Variants in ATP9B observed in about 807,000 individuals in gnomAD.
The protein encoded by ATP9B is probable phospholipid-transporting ATPase IIB.
Under a neutral mutation model 146.1 loss-of-function variants are expected in ATP9B, and 110 were observed. That is an observed-to-expected ratio of 0.75 (90% CI 0.65 to 0.88). The LOEUF is 0.88. ATP9B is among the 40% of genes least tolerant of loss of function. The probability of loss-of-function intolerance (pLI) is 0.00; values close to 1 mark genes in which losing one functional copy is unlikely to be tolerated. For synonymous variants in ATP9B, 604 were observed against 569.7 expected, an observed-to-expected ratio of 1.06 and a Z score of -0.86; for missense variants, 1,499 against 1,496.4, an observed-to-expected ratio of 1.00 and a Z score of -0.03.
intron 26 of ATP9B, chr18:79,362,934 C>G (rs1382215383): frequency 1.3e-5 from 2 of 152,182 alleles, no homozygotes; most frequent in African/African-American, 4.8e-5. Context: ...AGAATACTCT[C>G]AAATGGTTTT....
chr18:79,117,394 A>G (rs1419782846), intron 4 of ATP9B: 2 of 152,220 alleles, frequency 1.3e-5, no homozygotes, highest in African/African-American at 4.8e-5. Flanking sequence ...AGAGGATGAA[A>G]GGGTTATTCT....
chr18:79,151,294 G>A (rs1165850255), intron 6 of ATP9B, among the ~76,000 whole-genome samples: 4 of 152,144 alleles, frequency 2.6e-5, no homozygotes, highest in African/African-American at 7.2e-5. Flanking sequence ...TTTGGCAAGA[G>A]TGCCTAGAAA....
At position 79,337,351 on chromosome 18, in the gene ATP9B, G is replaced by T; in HGVS notation, c.2185G>T (p.Glu729Ter). ...GGTGGCCGCGGTAGTCGAGAGCCTG[G>T]AGAGGGAGATGGAACTGCTGTGCCT... ...LKVAAVVESL[E>*]REMELLCLTG... Residue 729 changes from glutamate to a stop codon, truncating the protein, a stop_gained, in exon 19 of 30, where the codon GAG (glutamate) becomes TAG (stop). Coordinates refer to ENST00000426216, the MANE Select transcript of ATP9B (RefSeq NM_198531.5). LOFTEE classifies it high-confidence loss of function. 2 of 1,614,164 alleles carry T rather than the reference G, an allele frequency of 1.2e-6. No individual in the cohort carries two copies. Among genetic ancestry groups the T allele is most frequent in the Non-Finnish European group, 1.7e-6 (2 of 1,180,038 alleles).
At chr18:79,337,471 T>C in intron 19 of ATP9B, 22 bp downstream of exon 19, 1 of 1,596,474 alleles carries the variant, frequency 6.3e-7, no homozygotes, top group Non-Finnish European at 8.5e-7. Flanking sequence ...TCACCTCTGC[T>C]GGCGCGCGCT....
At chr18:79,244,082 C>A (rs1200259623) in intron 11 of ATP9B, among the ~76,000 whole-genome samples, 5 of 152,260 alleles carry the variant, frequency 3.3e-5, no homozygotes, top group Non-Finnish European at 5.9e-5. Context: ...ATTCTCTTTT[C>A]TAAAATTTTA....
At chr18:79,087,232 G>A (rs2073923215) in intron 1 of ATP9B, 1 of 152,210 alleles carries the variant, frequency 6.6e-6, no homozygotes, top group Non-Finnish European at 1.5e-5. Flanking sequence ...CATCATGAGG[G>A]CGGAACTATT....
intron 8 of ATP9B, among the ~76,000 whole-genome samples, chr18:79,190,576 C>T (rs1265260289): frequency 6.6e-6 from 1 of 151,650 alleles, no homozygotes; most frequent in Non-Finnish European, 1.5e-5. Flanking sequence ...CAGAGTTTTG[C>T]TCTGTCACCC....
chr18:79,222,828 A>G (rs2148501947), intron 11 of ATP9B, among the ~76,000 whole-genome samples: 1 of 152,352 alleles, frequency 6.6e-6, no homozygotes, highest in African/African-American at 2.4e-5. Context: ...CAAGGACTAC[A>G]GTTTGAGTAA....
intron 12 of ATP9B, among the ~76,000 whole-genome samples, chr18:79,255,919 A>G (rs2096072725): frequency 6.6e-6 from 1 of 152,122 alleles, no homozygotes; most frequent in Non-Finnish European, 1.5e-5. Flanking sequence ...ATTCATTTTT[A>G]TTAGAGCTTC....
At chr18:79,334,096 G>A (rs1030944652) in intron 17 of ATP9B, among the ~76,000 whole-genome samples, 6 of 152,090 alleles carry the variant, frequency 3.9e-5, no homozygotes, top group African/African-American at 1.2e-4. Context: ...GGTGGCTCAC[G>A]CCTGTAATCC....
chr18:79,354,389 C>A (rs1600303916), intron 25 of ATP9B: 1 of 152,054 alleles, frequency 6.6e-6, no homozygotes, highest in Middle Eastern at 3.4e-3. Flanking sequence ...GCCTGGGAAA[C>A]ATGGTGAGAC....
intron 1 of ATP9B, among the ~76,000 whole-genome samples, chr18:79,073,354 A>C (rs1270814443): frequency 6.6e-6 from 1 of 152,174 alleles, no homozygotes; most frequent in Non-Finnish European, 1.5e-5. Flanking sequence ...GCACTGAGTG[A>C]GCGAGACTCC....
chr18:79,174,491 A>T (rs1000610974), intron 7 of ATP9B, among the ~76,000 whole-genome samples: 1 of 152,212 alleles, frequency 6.6e-6, no homozygotes, highest in Non-Finnish European at 1.5e-5. Flanking sequence ...CTTACAGTTG[A>T]TCTGTTCCAG....
chr18:79,143,258 C>G (rs1468884405), intron 5 of ATP9B, among the ~76,000 whole-genome samples: 2 of 152,068 alleles, frequency 1.3e-5, no homozygotes, highest in African/African-American at 4.8e-5. Flanking sequence ...TTAGATGTTT[C>G]GTAGATAAGA....
chr18:79,100,291 T>C (rs1296123063), intron 2 of ATP9B, among the ~76,000 whole-genome samples: 1 of 152,232 alleles, frequency 6.6e-6, no homozygotes, highest in African/African-American at 2.4e-5. Context: ...TAGTTGTTGG[T>C]TGTCTAGTTC....
chr18:79,171,084 A>G (rs1045600021), intron 7 of ATP9B, among the ~76,000 whole-genome samples: 1 of 152,182 alleles, frequency 6.6e-6, no homozygotes, highest in Non-Finnish European at 1.5e-5. Flanking sequence ...CCTTCCCCCT[A>G]TAGTGTTAAG....
intron 17 of ATP9B, among the ~76,000 whole-genome samples, chr18:79,335,551 C>T (rs945173992): frequency 3.3e-5 from 5 of 152,240 alleles, no homozygotes; most frequent in Non-Finnish European, 5.9e-5. Flanking sequence ...TGCTTTAACA[C>T]GCACATCAGG....
intron 8 of ATP9B, among the ~76,000 whole-genome samples, chr18:79,186,537 T>A (rs1412717069): frequency 6.6e-6 from 1 of 152,186 alleles, no homozygotes. Context: ...TATGAAAGTT[T>A]CATGTTTTGA....
At chr18:79,155,753 C>CTTTTTTT (rs56002235) in intron 7 of ATP9B, among the ~76,000 whole-genome samples, 3 of 74,074 alleles carry the variant, frequency 4.1e-5, no homozygotes, top group African/African-American at 6.6e-5. Flanking sequence ...TGTTTTCTCT[C>CTTTTTTT]TTTTTTTTTT....
Sources: allele counts gnomAD v4.1 joint callset (sites outside exome capture counted in the v4.1 genomes callset), GRCh38; gene constraint gnomAD v4.1.1; transcripts MANE v1.5; gene names NCBI Gene and HGNC (gene_info 2026-07-23, HGNC 2026-07-21).